FAM169A: variants seen among roughly 807,000 people sequenced by gnomAD.
FAM169A encodes soluble lamin-associated protein of 75 kDa.
FAM169A carries 24 observed loss-of-function variants against 75.7 expected under a neutral mutation model. That is an observed-to-expected ratio of 0.32 (90% CI 0.23 to 0.45). The LOEUF is 0.45. Ranked by LOEUF, FAM169A falls within the 20% of genes least tolerant of loss-of-function variation. The pLI is 1.00. For synonymous variants in FAM169A, 271 were observed against 271.0 expected (o/e 1.00, Z 0.00); for missense variants, 673 against 784.0 (o/e 0.86, Z 1.69).
chr5:74,783,049 C>G lies in FAM169A; in HGVS notation c.1346G>C (p.Ser449Thr). 6.2e-7 allele frequency: 1 copy of G among 1,613,736 alleles called. No individual in the cohort carries two copies. The highest frequency in any genetic ancestry group is 1.1e-5 in the South Asian group (1 of 91,078). ...TTTTAATTCTTCATCTAAAACTTCA[C>G]TAGTGGAGTCTTCCTCTTCTGTTAT... ...SLITEEEDST[S>T]EVLDEELKLQ... Residue 449 changes from serine (S) to threonine (T), a missense_variant, in exon 12 of 13, where the codon AGT (serine) becomes ACT (threonine). Ser to Thr is a moderately conservative substitution (Grantham distance 58). Around this residue, in one of 3 missense-constraint regions of FAM169A, gnomAD observed 510 missense variants for 550.9 expected, o/e 0.93. Coordinates refer to ENST00000687041, the MANE Select transcript of FAM169A (RefSeq NM_001376049.1).
intron 5 of FAM169A, among the ~76,000 whole-genome samples, chr5:74,818,803 C>CTCTCTATATA (rs1451956898): frequency 4.1e-5 from 5 of 121,620 alleles, no homozygotes; most frequent in African/African-American, 6.9e-5. Context: ...CTCTCTCTCT[C>CTCTCTATATA]TATATATATA....
chr5:74,838,783 G>T (rs1748700361), intron 4 of FAM169A, among the ~76,000 whole-genome samples, 182 bp downstream of exon 4: 1 of 152,158 alleles, frequency 6.6e-6, no homozygotes, highest in South Asian at 2.1e-4. Context: ...GATACTTATA[G>T]AATCACATAA....
At chr5:74,806,874 G>A (rs1746911439) in intron 6 of FAM169A, among the ~76,000 whole-genome samples, 1 of 152,146 alleles carries the variant, frequency 6.6e-6, no homozygotes, top group Admixed American at 6.5e-5. Flanking sequence ...CACACCTAAT[G>A]AAATCTGAGT....
chr5:74,784,155 A>T (rs1439918701), intron 11 of FAM169A, among the ~76,000 whole-genome samples: 1 of 152,164 alleles, frequency 6.6e-6, no homozygotes, highest in Non-Finnish European at 1.5e-5. Flanking sequence ...AAACAGTTGA[A>T]GTCATGAGAT....
At chr5:74,792,865 G>A (rs1041565165) in intron 11 of FAM169A, among the ~76,000 whole-genome samples, 1 of 152,146 alleles carries the variant, frequency 6.6e-6, no homozygotes, top group Non-Finnish European at 1.5e-5. Context: ...ACTAAAAGTA[G>A]AACTACCATT....
At chr5:74,824,261 T>C (rs911909604) in intron 5 of FAM169A, among the ~76,000 whole-genome samples, 1 of 152,160 alleles carries the variant, frequency 6.6e-6, no homozygotes, top group Non-Finnish European at 1.5e-5. Context: ...CAAATAACAA[T>C]GAGTACTTCA....
At position 74,796,082 on chromosome 5, in the gene FAM169A, G is replaced by C. The variant is rs1344912286; in HGVS notation, c.1208C>G (p.Ala403Gly). Reference sequence around the variant, plus strand: ...TGGCTGGGTTTCCAGTGCTGGCCGTGCATCTCTATCACTGCTTTCATCCTC... The same window carrying C: ...TGGCTGGGTTTCCAGTGCTGGCCGTCCATCTCTATCACTGCTTTCATCCTC... Reference protein sequence around the residue: ...EFEDESSDRDARPALETQPQQ... With the variant: ...EFEDESSDRDGRPALETQPQQ... Residue 403 changes from alanine to glycine, a missense_variant, in exon 11 of 13, where the codon GCA becomes GGA. Around this residue, in one of 3 missense-constraint regions of FAM169A, gnomAD observed 510 missense variants for 550.9 expected, o/e 0.93. Coordinates refer to ENST00000687041, the MANE Select transcript of FAM169A (RefSeq NM_001376049.1). 2 of 1,613,964 alleles carry C rather than the reference G, an allele frequency of 1.2e-6. No individual in the cohort carries two copies. Among genetic ancestry groups the C allele is most frequent in the Admixed American group, 3.3e-5 (2 of 59,996 alleles).
chr5:74,834,686 C>T, intron 4 of FAM169A, 89 bp from the exon 5 acceptor site: 1 of 1,070,768 alleles, frequency 9.3e-7, no homozygotes, highest in Non-Finnish European at 1.3e-6. Context: ...TCCCATACCT[C>T]ATACTGGAAT....
At chr5:74,857,585 A>T in intron 1 of FAM169A, among the ~76,000 whole-genome samples, 1 of 107,576 alleles carries the variant, frequency 9.3e-6, no homozygotes, top group South Asian at 2.8e-4. Context: ...AAAAAAAAAA[A>T]AAAAAAAAAA....
chr5:74,779,621 CTTT>C lies in FAM169A; in HGVS notation c.*1836_*1838del, dbSNP rs1226349220. ...GGTAGATTCACTAATAGTAGTCATACTTTTTTTTTTTTACTTAGTATTAGCATT... is the reference window on the plus strand; with the variant it reads ...GGTAGATTCACTAATAGTAGTCATACTTTTTTTTTACTTAGTATTAGCATT... On this transcript the variant is annotated 3_prime_UTR_variant, in exon 13 of 13. Transcript: ENST00000687041. 2.1e-5 allele frequency: 3 copies of C among 144,992 alleles called. No homozygotes were observed. Among genetic ancestry groups the C allele is most frequent in the African/African-American group, 7.5e-5 (3 of 39,762 alleles). The allele number at this position is 144,992 out of a possible 1,614,324, so 9.0% of individuals were successfully genotyped here.
chr5:74,815,056 G>C (rs1409381264), intron 5 of FAM169A, among the ~76,000 whole-genome samples: 1 of 152,048 alleles, frequency 6.6e-6, no homozygotes, highest in Non-Finnish European at 1.5e-5. Context: ...GTTCAACCAA[G>C]TAATATGAAC....
chr5:74,802,971 T>C (rs766306751), intron 8 of FAM169A, among the ~76,000 whole-genome samples: 3 of 152,118 alleles, frequency 2.0e-5, no homozygotes, highest in Non-Finnish European at 1.5e-5. Flanking sequence ...AATCATGTAG[T>C]TGAAATAAAC....
chr5:74,815,154 A>G (rs1047487772), intron 5 of FAM169A, among the ~76,000 whole-genome samples: 1 of 151,512 alleles, frequency 6.6e-6, no homozygotes, highest in Non-Finnish European at 1.5e-5. Context: ...TAGGTAATGC[A>G]TATGGTAATA....
intron 1 of FAM169A, among the ~76,000 whole-genome samples, chr5:74,843,860 C>A (rs899971590): frequency 6.6e-6 from 1 of 152,162 alleles, no homozygotes; most frequent in Admixed American, 6.5e-5. Flanking sequence ...CTTACGTGGT[C>A]ATGGTTGTTA....
chr5:74,843,163 CAACAGA>C (rs1176771208), intron 1 of FAM169A, among the ~76,000 whole-genome samples: 2 of 152,060 alleles, frequency 1.3e-5, no homozygotes, highest in Non-Finnish European at 2.9e-5. Flanking sequence ...TTAAATTCAA[CAACAGA>C]AACAGTACAA....
At chr5:74,788,619 C>T (rs1395455757) in intron 11 of FAM169A, among the ~76,000 whole-genome samples, 2 of 151,886 alleles carry the variant, frequency 1.3e-5, no homozygotes, top group Non-Finnish European at 2.9e-5. Flanking sequence ...ACAGGAGAAT[C>T]GCTTGAACCT....
At chr5:74,799,244 G>C in intron 10 of FAM169A, 1 of 1,460,358 alleles carries the variant, frequency 6.8e-7, no homozygotes, top group Non-Finnish European at 9.6e-7. Flanking sequence ...CAGAAAGATG[G>C]TGTCTGGAAG....
chr5:74,857,516 G>C (rs2112735499), intron 1 of FAM169A, among the ~76,000 whole-genome samples: 1 of 127,926 alleles, frequency 7.8e-6, no homozygotes. Context: ...AGTGAGTCAA[G>C]ACTAGACTGC....
At chr5:74,861,519 T>C (rs1455276914) in intron 1 of FAM169A, among the ~76,000 whole-genome samples, 2 of 151,576 alleles carry the variant, frequency 1.3e-5, no homozygotes, top group Non-Finnish European at 2.9e-5. Flanking sequence ...AAGTCAGGAG[T>C]TCAAGACCAG....
Sources: gnomAD v4.1 joint callset for allele counts (sites outside exome capture counted in the v4.1 genomes callset) on GRCh38, gnomAD v4.1.1 for gene constraint, gnomAD v4.1.1 regional missense constraint, MANE v1.5 for transcripts, NCBI Gene and HGNC (gene_info 2026-07-23, HGNC 2026-07-21) for gene names.